The following MAP3K5 variants were observed in gnomAD, a reference collection of about 807,000 sequenced individuals.
MAP3K5 encodes ASK-1.
MAP3K5 carries 56 observed loss-of-function variants against 158.7 expected under a neutral mutation model. The observed-to-expected ratio is 0.35, with a 90% confidence interval of 0.28 to 0.44. The LOEUF (loss-of-function observed/expected upper bound fraction) is 0.44, where lower values mean the gene tolerates loss of function less well. Among genes scored for constraint, MAP3K5 ranks in the 20% least tolerant of loss-of-function variants. The pLI, the probability that MAP3K5 is intolerant of heterozygous loss-of-function variation, is 1.00. For missense variants in MAP3K5, 1,294 were observed against 1,674.8 expected (o/e 0.77, Z 3.97); for synonymous variants, 579 against 601.7 (o/e 0.96, Z 0.55).
intron 26 of MAP3K5, among the ~76,000 whole-genome samples, chr6:136,564,774 T>A (rs1247564066): frequency 1.3e-5 from 2 of 152,194 alleles, no homozygotes; most frequent in Admixed American, 1.3e-4. Context: ...AACTATAACT[T>A]AACAGGTAGA....
chr6:136,640,997 C>G (rs549200879), intron 12 of MAP3K5, among the ~76,000 whole-genome samples: 4 of 152,008 alleles, frequency 2.6e-5, no homozygotes, highest in Non-Finnish European at 5.9e-5. Context: ...GGCTACCATA[C>G]CTAATTAAAG....
rs1280198748 is a variant in MAP3K5, at chr6:136,676,438, TTTCACTGTGTTACATTA to T, written c.1254-7060_1254-7044del. On this transcript the variant is annotated intron_variant, in intron 7 of 29. Coordinates refer to ENST00000359015, the MANE Select transcript of MAP3K5 (RefSeq NM_005923.4). ...CTTAAACAAGTGAATTGCATATCAC[TTTCACTGTGTTACATTA>T]TTCACTGTGTTACATCTTAATGTTA... 9.2e-5 allele frequency among the ~76,000 whole-genome samples: 14 copies of T among 152,230 alleles called. 1 individual carries two copies. The highest frequency in any genetic ancestry group is 1.5e-4 in the Non-Finnish European group (10 of 68,038).
At chr6:136,593,320 T>G (rs1220395336) in intron 21 of MAP3K5, among the ~76,000 whole-genome samples, 1 of 152,230 alleles carries the variant, frequency 6.6e-6, no homozygotes, top group Non-Finnish European at 1.5e-5. Flanking sequence ...CTATATTTCC[T>G]CAAACATTGG....
At chr6:136,661,608 C>T (rs949682628) in intron 8 of MAP3K5, among the ~76,000 whole-genome samples, 2 of 152,086 alleles carry the variant, frequency 1.3e-5, no homozygotes, top group East Asian at 1.9e-4. Context: ...CCATGTTGCC[C>T]AGCCGAACTC....
intron 10 of MAP3K5, among the ~76,000 whole-genome samples, chr6:136,651,493 C>T (rs1201045370): frequency 6.6e-6 from 1 of 152,208 alleles, no homozygotes; most frequent in Admixed American, 6.5e-5. Context: ...TAGAATGTCA[C>T]ATCCTTATTT....
intron 1 of MAP3K5, among the ~76,000 whole-genome samples, chr6:136,742,950 G>A (rs1379320341): frequency 6.6e-6 from 1 of 151,908 alleles, no homozygotes; most frequent in African/African-American, 2.4e-5. Context: ...CCCAGCACTT[G>A]GGGAGGCCAA....
intron 1 of MAP3K5, among the ~76,000 whole-genome samples, chr6:136,784,463 C>T (rs1784756700): frequency 6.6e-6 from 1 of 152,156 alleles, no homozygotes; most frequent in African/African-American, 2.4e-5. Context: ...GCAGCTGCTA[C>T]AATGGTGTGC....
chr6:136,576,598 T>C (rs1037064534), intron 25 of MAP3K5, among the ~76,000 whole-genome samples: 5 of 152,166 alleles, frequency 3.3e-5, no homozygotes, highest in Non-Finnish European at 5.9e-5. Flanking sequence ...TGAGACACCA[T>C]GCCCAACTAC....
intron 9 of MAP3K5, 57 bp downstream of exon 9, chr6:136,659,162 T>C: frequency 2.2e-6 from 3 of 1,380,022 alleles, no homozygotes; most frequent in Non-Finnish European, 3.0e-6. Context: ...AAATATAATA[T>C]GGGAACAATA....
intron 1 of MAP3K5, among the ~76,000 whole-genome samples, chr6:136,777,851 C>G (rs1340508337): frequency 1.8e-5 from 2 of 109,380 alleles, no homozygotes; most frequent in African/African-American, 7.0e-5. Flanking sequence ...AATTTTCTGT[C>G]AGCCAAGAAC....
intron 2 of MAP3K5, among the ~76,000 whole-genome samples, chr6:136,710,220 T>C (rs1331138227): frequency 6.6e-6 from 1 of 152,180 alleles, no homozygotes; most frequent in Non-Finnish European, 1.5e-5. Flanking sequence ...GGAAAGGGAA[T>C]AAATTTAAGA....
At chr6:136,749,529 C>T (rs1326336202) in intron 1 of MAP3K5, among the ~76,000 whole-genome samples, 1 of 152,070 alleles carries the variant, frequency 6.6e-6, no homozygotes, top group Non-Finnish European at 1.5e-5. Context: ...GCCAGATAAC[C>T]TCCTTCAAAA....
chr6:136,785,678 C>T (rs1410935659), intron 1 of MAP3K5, among the ~76,000 whole-genome samples: 2 of 152,206 alleles, frequency 1.3e-5, no homozygotes, highest in African/African-American at 2.4e-5. Context: ...CATCCCGGTT[C>T]TCCCTGCAGC....
chr6:136,629,693 A>T (rs567253115), intron 14 of MAP3K5, among the ~76,000 whole-genome samples: 2 of 152,074 alleles, frequency 1.3e-5, no homozygotes, highest in African/African-American at 2.4e-5. Flanking sequence ...TGACCTCATG[A>T]TCCACCCGCC....
intron 7 of MAP3K5, among the ~76,000 whole-genome samples, chr6:136,687,190 A>T (rs1299472662): frequency 2.6e-5 from 4 of 152,250 alleles, no homozygotes. Context: ...TCCCTATTTA[A>T]TAAATGGTGT....
intron 1 of MAP3K5, among the ~76,000 whole-genome samples, chr6:136,746,991 A>G (rs1335247691): frequency 6.6e-6 from 1 of 152,096 alleles, no homozygotes; most frequent in African/African-American, 2.4e-5. Flanking sequence ...TCTCAATCAT[A>G]ACTCACTGCA....
rs150180205 is a variant in MAP3K5 at position 136,636,764 on chromosome 6, G to A, written c.2016+561C>T. ...TCAAGACCAGTCTGGGCAACATAACGAGAACAAGTCTCTATAAAAATAAAA... is the reference window on the plus strand; with the variant it reads ...TCAAGACCAGTCTGGGCAACATAACAAGAACAAGTCTCTATAAAAATAAAA... On this transcript the variant is annotated intron_variant, in intron 14 of 29. Coordinates refer to ENST00000359015, the MANE Select transcript of MAP3K5 (RefSeq NM_005923.4). 91 of 905,032 alleles carry A rather than the reference G, an allele frequency of 1.0e-4. No individual in the cohort carries two copies. The African/African-American group carries it at 1.5e-3, about 15-fold the overall frequency. The allele number at this position is 905,032 out of a possible 1,614,324, so 56.1% of individuals were successfully genotyped here. A position where few individuals can be genotyped will look rare whatever the true frequency, so the allele number is the denominator to read the frequency against.
intron 26 of MAP3K5, among the ~76,000 whole-genome samples, chr6:136,566,691 G>A (rs755773453): frequency 5.3e-5 from 8 of 152,168 alleles, no homozygotes; most frequent in Non-Finnish European, 7.3e-5. Flanking sequence ...ACTGCTCTAT[G>A]CACATCATAG....
intron 7 of MAP3K5, among the ~76,000 whole-genome samples, chr6:136,686,626 A>G (rs1780160937): frequency 6.6e-6 from 1 of 152,178 alleles, no homozygotes; most frequent in Non-Finnish European, 1.5e-5. Context: ...CTATTCACCA[A>G]TAATAGACAA....
Sources: gnomAD v4.1 joint callset for allele counts (sites outside exome capture counted in the v4.1 genomes callset) on GRCh38, gnomAD v4.1.1 for gene constraint, MANE v1.5 for transcripts, NCBI Gene and HGNC (gene_info 2026-07-23, HGNC 2026-07-21) for gene names.